BOP1: variants seen among roughly 807,000 people sequenced by gnomAD.
BOP1 encodes BOP1 ribosomal biogenesis factor.
Under a neutral mutation model 82.9 loss-of-function variants are expected in BOP1, and 54 were observed. The observed-to-expected ratio is 0.65, with a 90% CI of 0.52 to 0.82. The LOEUF is 0.82. Ranked by LOEUF, BOP1 falls within the 40% of genes least tolerant of loss-of-function variation. The pLI is 0.00. For synonymous variants in BOP1, 566 were observed against 451.1 expected (o/e 1.25, Z -3.23); for missense variants, 1,170 against 1,072.0 (o/e 1.09, Z -1.28).
chr8:144,270,267 GGGA>G (rs1845470943), intron 3 of BOP1, among the ~76,000 whole-genome samples: 1 of 152,214 alleles, frequency 6.6e-6, no homozygotes, highest in Non-Finnish European at 1.5e-5. Flanking sequence ...GGCCAGCATG[GGGA>G]GGTCTGGGCA....
chr8:144,262,196 C>A lies in BOP1; in HGVS notation c.2209G>T (p.Gly737Trp). Residue 737 changes from glycine to tryptophan, a missense_variant, in exon 16 of 16, where the codon GGG becomes TGG. Transcript: ENST00000569669. ...AAGAGGCGGACAGTCCCGTCTGCCC[C>A]CGAGGAGAAGACCCACGGCTGGGTG... ...HPTQPWVFSS[G>W]ADGTVRLFT 1.9e-6 allele frequency: 3 copies of A among 1,612,678 alleles called. No homozygotes were observed. The highest frequency in any genetic ancestry group is 2.5e-6 in the Non-Finnish European group (3 of 1,179,826).
intron 2 of BOP1, among the ~76,000 whole-genome samples, chr8:144,288,785 G>A (rs191178054): frequency 1.3e-5 from 2 of 152,288 alleles, no homozygotes; most frequent in Admixed American, 1.3e-4. Context: ...GCTGGGTCCT[G>A]CCACTGGATT....
rs1564595323 is a variant in BOP1 at position 144,264,997 on chromosome 8, A to G, written c.465T>C (p.Asp155=). 1 of 1,612,224 alleles carries G rather than the reference A, an allele frequency of 6.2e-7. No individual in the cohort carries two copies. The part of the protein sequence containing the change: ...DDFPHVGYDL[D]GRRIYKPLRT... ...GCAGGGGCTTGTAGATGCGCCTGCC[A>G]TCCAGGTCGTAGCCCACGTGGGGGA... is the stretch of plus-strand genomic sequence containing the variant. The change falls in exon 4 of 16, where the codon GAT becomes GAC. Residue 155 remains aspartate (D), a synonymous_variant. Transcript: ENST00000569669.
intron 2 of BOP1, among the ~76,000 whole-genome samples, chr8:144,288,355 C>T (rs1221395580): frequency 2.6e-5 from 4 of 150,968 alleles, no homozygotes. Context: ...CGGCAAAACC[C>T]TGTCTCTACT....
chr8:144,289,354 A>C (rs375858499), intron 1 of BOP1, 50 bp from the exon 2 acceptor site: 1 of 1,582,508 alleles, frequency 6.3e-7, no homozygotes, highest in Non-Finnish European at 8.6e-7. Flanking sequence ...GGCATGGGGC[A>C]CTGAACACTG....
Position 144,263,600 on chromosome 8 carries a change from G to A in BOP1, c.1302C>T (p.Asp434=), listed in dbSNP as rs1051626478. The A allele has an allele frequency of 4.9e-5, 78 of 1,606,856 alleles. No homozygotes were observed. Among genetic ancestry groups the A allele is most frequent in the East Asian group, 8.9e-5 (4 of 44,878 alleles). ...CCACCTCCCAGAGCCGCAGGGAGCCGTCGTCAGAGCCTGGATGCGGCAGAG... is the reference window on the plus strand; with the variant it reads ...CCACCTCCCAGAGCCGCAGGGAGCCATCGTCAGAGCCTGGATGCGGCAGAG... ...GGQWLVSGSD[D]GSLRLWEVAT... The change falls in exon 11 of 16, where the codon GAC becomes GAT. Residue 434 remains aspartate, a synonymous_variant. Transcript: ENST00000569669.
chr8:144,266,477 G>T (rs1588590714), intron 3 of BOP1: 2 of 984,042 alleles, frequency 2.0e-6, no homozygotes, highest in East Asian at 2.3e-4. Context: ...ATGTGCGCGC[G>T]ACGCCCGGCA....
intron 2 of BOP1, among the ~76,000 whole-genome samples, chr8:144,280,934 T>TCAGTTTAATACCAGGTCTTCGGCCTTCC (rs1845659643): frequency 1.4e-5 from 2 of 146,520 alleles, no homozygotes; most frequent in African/African-American, 5.1e-5. Context: ...TTAGGCCTTC[T>TCAGTTTAATACCAGGTCTTCGGCCTTCC]CTCAGTTTAA....
At chr8:144,286,773 G>A (rs115650989) in intron 2 of BOP1, among the ~76,000 whole-genome samples, 4,995 of 152,282 alleles carry the variant, frequency 0.033, 125 homozygotes, top group African/African-American at 0.056. Context: ...GCTGGATGAC[G>A]GAGCACACAG....
intron 3 of BOP1, 167 bp from the exon 4 acceptor site, chr8:144,265,238 G>A: frequency 2.5e-6 from 2 of 791,742 alleles, no homozygotes; most frequent in Non-Finnish European, 3.9e-6. Context: ...CCTGGGGTCT[G>A]ACGTGGCATG....
chr8:144,277,532 TGGAGTCCCA>T (rs1349700935), intron 2 of BOP1, among the ~76,000 whole-genome samples: 37 of 152,256 alleles, frequency 2.4e-4, no homozygotes, highest in African/African-American at 7.7e-4. Flanking sequence ...CACCGCACGC[TGGAGTCCCA>T]GCCTCGCTGC....
At chr8:144,266,895 C>CT in intron 3 of BOP1, 1 of 1,525,010 alleles carries the variant, frequency 6.6e-7, no homozygotes, top group Non-Finnish European at 8.8e-7. Flanking sequence ...TGAACACGGC[C>CT]TTCACGGCGC....
At chr8:144,290,522 T>A (rs1233578060) in intron 1 of BOP1, among the ~76,000 whole-genome samples, 1 of 152,212 alleles carries the variant, frequency 6.6e-6, no homozygotes, top group African/African-American at 2.4e-5. Flanking sequence ...AGAGTCATGA[T>A]GTGTCTTGGT....
At chr8:144,270,812 G>A (rs1264377065) in intron 3 of BOP1, among the ~76,000 whole-genome samples, 2 of 151,996 alleles carry the variant, frequency 1.3e-5, no homozygotes, top group East Asian at 1.9e-4. Context: ...GGCTCCCTCC[G>A]CCTGTGCCCC....
intron 3 of BOP1, among the ~76,000 whole-genome samples, chr8:144,273,784 CGGCTCCTGGG>C (rs1270813580): frequency 1.3e-5 from 2 of 150,840 alleles, no homozygotes; most frequent in Non-Finnish European, 2.9e-5. Flanking sequence ...GCAGCTCAGC[CGGCTCCTGGG>C]GGCCCCCCAC....
chr8:144,289,423 G>A, intron 1 of BOP1, 119 bp from the exon 2 acceptor site: 1 of 1,003,730 alleles, frequency 1.0e-6, no homozygotes, highest in Non-Finnish European at 1.5e-6. Context: ...GTGGCCTCCA[G>A]GACCACACCC....
chr8:144,266,212 G>C (rs1351543287), intron 3 of BOP1: 2 of 152,382 alleles, frequency 1.3e-5, no homozygotes, highest in Non-Finnish European at 2.9e-5. Context: ...GGGCACTGCA[G>C]TTTTGGGGCC....
intron 11 of BOP1, 22 bp from the exon 12 acceptor site, chr8:144,263,423 G>T: frequency 1.3e-6 from 2 of 1,597,776 alleles, no homozygotes; most frequent in Non-Finnish European, 1.7e-6. Flanking sequence ...GCCCAGACAC[G>T]GCCCCTAAGC....
chr8:144,269,772 T>C (rs1845462042), intron 3 of BOP1, among the ~76,000 whole-genome samples: 1 of 152,172 alleles, frequency 6.6e-6, no homozygotes, highest in African/African-American at 2.4e-5. Context: ...GACATGCAGC[T>C]AGGGGCTGAC....
Sources: gnomAD v4.1 joint callset for allele counts (sites outside exome capture counted in the v4.1 genomes callset) on GRCh38, gnomAD v4.1.1 for gene constraint, MANE v1.5 for transcripts, NCBI Gene and HGNC (gene_info 2026-07-23, HGNC 2026-07-21) for gene names.